The following AGAP2 variants were observed in gnomAD, a reference collection of about 807,000 sequenced individuals.
AGAP2 encodes arf-GAP with GTPase, ANK repeat and PH domain-containing protein 2.
A neutral mutation model predicts 110.9 loss-of-function variants in AGAP2; 32 were observed. That is an observed-to-expected ratio of 0.29 (90% confidence interval 0.22 to 0.39). The LOEUF (loss-of-function observed/expected upper bound fraction) is 0.39. AGAP2 is among the 10% of genes least tolerant of loss of function. AGAP2 has a pLI of 1.00. For missense variants in AGAP2, 1,285 were observed against 1,638.5 expected, an observed-to-expected ratio of 0.78 and a Z score of 3.72; for synonymous variants, 702 against 713.0, an observed-to-expected ratio of 0.98 and a Z score of 0.25.
chr12:57,737,281 C>G lies in AGAP2; in HGVS notation c.966G>C (p.Glu322Asp), dbSNP rs759784798. 5.6e-6 allele frequency: 9 copies of G among 1,613,518 alleles called. No individual in the cohort carries two copies. The highest frequency in any genetic ancestry group is 7.6e-6 in the Non-Finnish European group (9 of 1,179,782). ...PPGPAPPITL[E>D]PPAPGLKRGR... Reference sequence around the variant, plus strand: ...CCCGTTTCAGCCCCGGAGCTGGAGGCTCCAGAGTGATTGGAGGTGCAGGCC... The same window carrying G: ...CCCGTTTCAGCCCCGGAGCTGGAGGGTCCAGAGTGATTGGAGGTGCAGGCC... The change falls in exon 1 of 19, where the codon GAG becomes GAC. Residue 322 changes from glutamate (E) to aspartate (D), a missense_variant. This residue lies in a region of AGAP2 where 844 missense variants were observed against 941.2 expected (regional missense o/e 0.90). Transcript: ENST00000547588. The surrounding 1 kb of genome is among the most constrained non-coding windows in gnomAD (Gnocchi z 5.9).
In AGAP2 at chr12:57,738,127, G is replaced by A; in HGVS notation, c.120C>T (p.Gly40=). ...PPPSPSAAAA[G]AAGARGSETG... ...TCTCGGAGCCTCTGGCACCGGCGGC[G>A]CCGGCCGCGGCCGCAGACGGAGAAG... The change falls in exon 1 of 19, where the codon GGC becomes GGT. Residue 40 remains glycine, a synonymous_variant. Transcript: ENST00000547588. The surrounding 1 kb of genome is among the most constrained non-coding windows in gnomAD (Gnocchi z 6.7). The A allele has an allele frequency of 2.6e-6, 4 of 1,520,078 alleles. 1 individual carries two copies. Among genetic ancestry groups the A allele is most frequent in the Non-Finnish European group, 8.8e-7 (1 of 1,139,456 alleles). 94.2% of individuals were successfully genotyped at this position (1,520,078 alleles called of 1,614,324 possible).
At chr12:57,727,616 G>C (rs763202438) in intron 16 of AGAP2, 34 bp from the exon 17 acceptor site, 17 of 1,590,808 alleles carry the variant, frequency 1.1e-5, no homozygotes, top group Non-Finnish European at 1.3e-5. Flanking sequence ...GCTCCCAGCC[G>C]GGCAGCACAG....
chr12:57,741,000 G>A (rs536313322), upstream of AGAP2, among the ~76,000 whole-genome samples: 863 of 152,330 alleles, frequency 5.7e-3, 18 homozygotes, highest in South Asian at 0.065. Flanking sequence ...GGATATGATG[G>A]AAGAAGTGTT....
intron 6 of AGAP2, 127 bp from the exon 7 acceptor site, chr12:57,732,639 G>T: frequency 7.9e-7 from 1 of 1,270,458 alleles, no homozygotes; most frequent in Non-Finnish European, 1.1e-6. Context: ...TGGCCTCCAT[G>T]CCACCTGTGG....
At chr12:57,741,606 G>A (rs960600312), upstream of AGAP2, among the ~76,000 whole-genome samples, 4 of 152,098 alleles carry the variant, frequency 2.6e-5, no homozygotes, top group Admixed American at 6.6e-5. Context: ...CCCCAGGCAG[G>A]GAACAAGTCT....
At position 57,725,680 on chromosome 12, in the gene AGAP2, C is replaced by T. The variant is rs1330641790; in HGVS notation, c.*872G>A. On this transcript the variant is annotated 3_prime_UTR_variant, in exon 19 of 19. Coordinates refer to ENST00000547588, the MANE Select transcript of AGAP2 (RefSeq NM_001122772.3). ...CGCAGTCACGGTCACAGACACAACC[C>T]GAGAGCACCCCCACCCCAACCCACC... 1 of 151,806 alleles carries T rather than the reference C, an allele frequency of 6.6e-6. No individual in the cohort carries two copies. Among genetic ancestry groups the T allele is most frequent in the South Asian group, 2.1e-4 (1 of 4,810 alleles). 9.4% of individuals were successfully genotyped at this position (151,806 alleles called of 1,614,324 possible).
At chr12:57,724,670 G>A (rs1392439967), downstream of AGAP2, 4 of 152,248 alleles carry the variant, frequency 2.6e-5, no homozygotes, top group Non-Finnish European at 5.9e-5. Context: ...CCTACTCTAT[G>A]TTCTACTCTG....
upstream of AGAP2, among the ~76,000 whole-genome samples, chr12:57,741,623 A>T (rs1955077479): frequency 6.6e-6 from 1 of 152,096 alleles, no homozygotes; most frequent in Admixed American, 6.5e-5. Context: ...GTCTACCATG[A>T]GTCTGTCACA....
rs1555197881 is a variant in AGAP2, at chr12:57,727,394, G to A, written c.3046C>T (p.Arg1016Ter). The change falls in exon 17 of 19, where the codon CGA becomes TGA. Residue 1016 changes from arginine to a stop codon, truncating the protein, a stop_gained. Transcript: ENST00000547588. LOFTEE classifies it high-confidence loss of function. ...TANRVWESDTRGRAKPSRDSS... is the reference protein window; with the variant it reads ...TANRVWESDT ...TCCCGCGAGGGCTTGGCACGGCCTC[G>A]CGTGTCGCTTTCCCACACGCGGTTG... 1 of 1,612,820 alleles carries A rather than the reference G, an allele frequency of 6.2e-7. No individual in the cohort carries two copies. Among genetic ancestry groups the A allele is most frequent in the Non-Finnish European group, 8.5e-7 (1 of 1,179,678 alleles).
intron 4 of AGAP2, 51 bp downstream of exon 4, chr12:57,734,268 T>C (rs1258077111): frequency 1.9e-6 from 3 of 1,613,588 alleles, no homozygotes; most frequent in Non-Finnish European, 2.5e-6. Flanking sequence ...GCCCTCTCCT[T>C]TGGCCAGTGC....
rs1024193058 is a variant in AGAP2, at chr12:57,736,957, C to A, written c.1168+122G>T. 19 of 1,434,054 alleles carry A rather than the reference C, an allele frequency of 1.3e-5. No homozygotes were observed. The South Asian group carries it at 2.9e-4, about 22-fold the overall frequency. 88.8% of individuals were successfully genotyped at this position (1,434,054 alleles called of 1,614,324 possible). A position where few individuals can be genotyped will look rare whatever the true frequency, so the allele number is the denominator to read the frequency against. On this transcript the variant is annotated intron_variant, in intron 1 of 18. Transcript: ENST00000547588. ...CCCCAATCCTTGACAGAGGGGTGAG[C>A]TTGGTTCATCCGCCCACCCCAGAGA...
chr12:57,737,532 T>TGGCGGCGGC lies in AGAP2; in HGVS notation c.706_714dup (p.Ala236_Ala238dup). ...CCCCCTCCCCCGGCGGCGGCGGCGG[T>TGGCGGCGGC]GGCGGCGGCAGAGACCGAAGCTCCA... On this transcript the variant is annotated inframe_insertion, in exon 1 of 19. Transcript: ENST00000547588. The surrounding 1 kb of genome is among the most constrained non-coding windows in gnomAD (Gnocchi z 5.9). 2 of 1,561,318 alleles carry TGGCGGCGGC rather than the reference T, an allele frequency of 1.3e-6. No individual in the cohort carries two copies. The highest frequency in any genetic ancestry group is 2.4e-5 in the East Asian group (1 of 41,840).
rs1955031904 is a variant in AGAP2, at chr12:57,738,361, C to T, written c.-115G>A. The T allele has an allele frequency of 8.1e-7, 1 of 1,231,452 alleles. No homozygotes were observed. The highest frequency in any genetic ancestry group is 1.0e-6 in the Non-Finnish European group (1 of 980,864). The allele number at this position is 1,231,452 out of a possible 1,614,324, so 76.3% of individuals were successfully genotyped here. A position where few individuals can be genotyped will look rare whatever the true frequency, so the allele number is the denominator to read the frequency against. On this transcript the variant is annotated 5_prime_UTR_variant, in exon 1 of 19. Coordinates refer to ENST00000547588, the MANE Select transcript of AGAP2 (RefSeq NM_001122772.3). The surrounding 1 kb of genome is among the most constrained non-coding windows in gnomAD (Gnocchi z 6.7). The stretch of plus-strand genomic sequence containing the variant: ...CCCCCAGCCCCCGGACCCCGCTGAG[C>T]CCCCGGCCCGGCTCCGCTGTCGCCG...
chr12:57,742,148 A>C, upstream of AGAP2: 1 of 1,531,444 alleles, frequency 6.5e-7, no homozygotes, highest in Non-Finnish European at 8.9e-7. Context: ...CCCAAACCTC[A>C]GAAGGCCCCT....
chr12:57,738,297 C>T lies in AGAP2; in HGVS notation c.-51G>A. ...GAGGGGAGGGGACTCCCCCGGACTG[C>T]CTCAGGGGGGCCCGGCCATGGGGCC... On this transcript the variant is annotated 5_prime_UTR_variant, in exon 1 of 19. Coordinates refer to ENST00000547588, the MANE Select transcript of AGAP2 (RefSeq NM_001122772.3). This position sits in a 1 kb window ranked among gnomAD's most constrained non-coding sequence, Gnocchi z 6.7. The T allele has an allele frequency of 7.1e-7, 1 of 1,412,684 alleles. No individual in the cohort carries two copies. The highest frequency in any genetic ancestry group is 9.2e-7 in the Non-Finnish European group (1 of 1,088,858). 87.5% of individuals were successfully genotyped at this position (1,412,684 alleles called of 1,614,324 possible).
chr12:57,732,754 T>A, intron 6 of AGAP2, 91 bp downstream of exon 6: 1 of 1,573,474 alleles, frequency 6.4e-7, no homozygotes, highest in South Asian at 1.2e-5. Context: ...TTCCTGTCAC[T>A]CACAGAGAGA....
In AGAP2 at chr12:57,727,144, G is replaced by T; in HGVS notation, c.3166C>A (p.Arg1056Ser). 6.2e-7 allele frequency: 1 copy of T among 1,604,084 alleles called. No homozygotes were observed. The highest frequency in any genetic ancestry group is 8.5e-7 in the Non-Finnish European group (1 of 1,176,516). ...PLSTSEEPLG[R>S]QLWAAVQAQD... is the part of the protein sequence containing the mutation. ...GCCTGCACGGCGGCCCACAGCTGGC[G>T]GCCCAGCGGCTCCTCCGAGGTGCTC... The change falls in exon 18 of 19, where the codon CGC (arginine) becomes AGC (serine). Residue 1056 changes from arginine (R) to serine (S), a missense_variant. Arg to Ser is a moderately radical substitution (Grantham distance 110). Coordinates refer to ENST00000547588, the MANE Select transcript of AGAP2 (RefSeq NM_001122772.3).
intron 2 of AGAP2, 55 bp downstream of exon 2, chr12:57,735,313 AG>A: frequency 4.1e-6 from 6 of 1,475,450 alleles, no homozygotes; most frequent in Non-Finnish European, 4.7e-6. Context: ...GAGAGCTGAG[AG>A]TGCAGTGGGT....
At chr12:57,729,995 C>T (rs568781983) in intron 12 of AGAP2, among the ~76,000 whole-genome samples, 1 of 152,228 alleles carries the variant, frequency 6.6e-6, no homozygotes, top group East Asian at 1.9e-4. Context: ...GCCTTAAGAC[C>T]TTGAGCAAGG....
Sources: allele counts gnomAD v4.1 joint callset (sites outside exome capture counted in the v4.1 genomes callset), GRCh38; gene constraint gnomAD v4.1.1; regional missense constraint gnomAD v4.1.1; non-coding constraint Gnocchi (gnomAD v3.1); transcripts MANE v1.5; gene names NCBI Gene and HGNC (gene_info 2026-07-23, HGNC 2026-07-21).